Variants in RNF111 observed in about 807,000 individuals in gnomAD.
RNF111 encodes ring finger protein 111.
RNF111 carries 17 observed loss-of-function variants against 95.1 expected under a neutral mutation model. That is an observed-to-expected ratio of 0.18 (90% CI 0.12 to 0.27). RNF111 has a LOEUF of 0.27. Ranked by LOEUF, RNF111 falls within the 10% of genes least tolerant of loss-of-function variation. The probability of loss-of-function intolerance (pLI) is 1.00; values close to 1 mark genes in which losing one functional copy is unlikely to be tolerated. For synonymous variants in RNF111, 440 were observed against 414.8 expected, an observed-to-expected ratio of 1.06 and a Z score of -0.74; for missense variants, 1,189 against 1,210.4, an observed-to-expected ratio of 0.98 and a Z score of 0.26.
At chr15:58,992,070 G>A (rs2038840843) in intron 1 of RNF111, among the ~76,000 whole-genome samples, 1 of 152,016 alleles carries the variant, frequency 6.6e-6, no homozygotes, top group Admixed American at 6.6e-5. Flanking sequence ...TTTTGAGATG[G>A]AGTTTCCCTC....
At chr15:59,090,551 C>T (rs2079024976) in intron 11 of RNF111, among the ~76,000 whole-genome samples, 1 of 152,002 alleles carries the variant, frequency 6.6e-6, no homozygotes, top group African/African-American at 2.4e-5. Context: ...TTTTTTATGT[C>T]AGTTTGGAAG....
chr15:59,042,134 T>G (rs1392401955), intron 2 of RNF111, among the ~76,000 whole-genome samples: 1 of 151,878 alleles, frequency 6.6e-6, no homozygotes, highest in East Asian at 1.9e-4. Context: ...AATTTTTTTT[T>G]CTTTTTTTGA....
In RNF111 at chr15:59,096,294, G is replaced by A. The variant is rs1371577357; in HGVS notation, c.*1394G>A. On this transcript the variant is annotated 3_prime_UTR_variant, in exon 14 of 14. Coordinates refer to ENST00000348370, the MANE Select transcript of RNF111 (RefSeq NM_017610.8). ...GCTTAATATGCCCCAGATTGCAAAT[G>A]CATCCAGTCAGTAATATCACTGTCT... 2.7e-6 allele frequency: 1 copy of A among 377,144 alleles called. No homozygotes were observed. The highest frequency in any genetic ancestry group is 2.1e-5 in the African/African-American group (1 of 48,192). 23.4% of individuals were successfully genotyped at this position (377,144 alleles called of 1,614,324 possible). A position where few individuals can be genotyped will look rare whatever the true frequency, so the allele number is the denominator to read the frequency against.
Position 59,030,805 on chromosome 15 carries a change from C to T in RNF111, c.-18C>T. The T allele has an allele frequency of 6.5e-7, 1 of 1,547,710 alleles. No homozygotes were observed. The stretch of plus-strand genomic sequence containing the variant: ...TAAATATCTAATTTTGTCTTCTAGG[C>T]TTTCCTTAAAGTTTCCCATGTCTCA... On this transcript the variant is annotated splice_region_variant and 5_prime_UTR_variant, in exon 2 of 14. Coordinates refer to ENST00000348370, the MANE Select transcript of RNF111 (RefSeq NM_017610.8).
At chr15:59,062,987 C>T (rs2042504951) in intron 5 of RNF111, among the ~76,000 whole-genome samples, 1 of 152,158 alleles carries the variant, frequency 6.6e-6, no homozygotes, top group African/African-American at 2.4e-5. Context: ...GCAGGCATTG[C>T]CAGATACTGG....
At chr15:59,026,849 G>T (rs935288791) in intron 1 of RNF111, among the ~76,000 whole-genome samples, 2 of 152,090 alleles carry the variant, frequency 1.3e-5, no homozygotes, top group Non-Finnish European at 2.9e-5. Flanking sequence ...ATGACTGCAT[G>T]ATATGTTAAC....
chr15:59,039,410 A>G (rs1310193700), intron 2 of RNF111, among the ~76,000 whole-genome samples: 1 of 152,154 alleles, frequency 6.6e-6, no homozygotes, highest in Admixed American at 6.5e-5. Flanking sequence ...TTCTTCTTTC[A>G]TTTACCACTT....
intron 1 of RNF111, among the ~76,000 whole-genome samples, chr15:59,027,418 A>G (rs2040670874): frequency 6.6e-6 from 1 of 152,076 alleles, no homozygotes; most frequent in African/African-American, 2.4e-5. Flanking sequence ...AGTTTTATTG[A>G]GATTTTATTT....
intron 1 of RNF111, among the ~76,000 whole-genome samples, chr15:59,006,393 A>C (rs556902884): frequency 6.6e-6 from 1 of 152,134 alleles, no homozygotes; most frequent in Non-Finnish European, 1.5e-5. Context: ...GCAACTACTC[A>C]TCTGATTTTT....
chr15:59,027,780 G>A (rs1220357103), intron 1 of RNF111, among the ~76,000 whole-genome samples: 3 of 150,672 alleles, frequency 2.0e-5, no homozygotes, highest in Non-Finnish European at 2.9e-5. Flanking sequence ...TGATCCACCC[G>A]CTTCAGCCTC....
chr15:58,990,670 A>C (rs1479413528), intron 1 of RNF111, among the ~76,000 whole-genome samples: 1 of 152,190 alleles, frequency 6.6e-6, no homozygotes, highest in Admixed American at 6.5e-5. Context: ...AACAAACAAA[A>C]AAACTATGAT....
In RNF111 at chr15:59,097,074, G is replaced by GA. The variant is rs1449778997; in HGVS notation, c.*2175dup. On this transcript the variant is annotated 3_prime_UTR_variant, in exon 14 of 14. Transcript: ENST00000348370. ...ACATAAACCTGAATTGTTAATATAG[G>GA]AGCTTATTAAGCTACTGCCATTAGT... 1.3e-5 allele frequency: 2 copies of GA among 152,072 alleles called. No individual in the cohort carries two copies. The highest frequency in any genetic ancestry group is 2.9e-5 in the Non-Finnish European group (2 of 68,022). 9.4% of individuals were successfully genotyped at this position (152,072 alleles called of 1,614,324 possible). A position where few individuals can be genotyped will look rare whatever the true frequency, so the allele number is the denominator to read the frequency against.
At chr15:59,005,650 G>C (rs1282324323) in intron 1 of RNF111, among the ~76,000 whole-genome samples, 1 of 152,084 alleles carries the variant, frequency 6.6e-6, no homozygotes, top group Non-Finnish European at 1.5e-5. Context: ...GGTGGGTGTA[G>C]CTAGAGGATT....
intron 3 of RNF111, among the ~76,000 whole-genome samples, chr15:59,052,731 G>A (rs2042044672): frequency 6.6e-6 from 1 of 151,796 alleles, no homozygotes; most frequent in Admixed American, 6.6e-5. Flanking sequence ...CCTTTTCAAA[G>A]CAGGCTGCAT....
intron 5 of RNF111, among the ~76,000 whole-genome samples, chr15:59,062,196 C>T (rs2042469532): frequency 6.6e-6 from 1 of 151,954 alleles, no homozygotes. Context: ...GCACACTCTA[C>T]CACACCTGGC....
In RNF111 at chr15:59,055,816, A is replaced by T. The variant is rs772685123; in HGVS notation, c.1142A>T (p.Glu381Val). Residue 381 changes from glutamate to valine, a missense_variant, in exon 4 of 14, where the codon GAA (glutamate) becomes GTA (valine). Coordinates refer to ENST00000348370, the MANE Select transcript of RNF111 (RefSeq NM_017610.8). ...VIQPLRQNAA[E>V]VVDLTVDEDE... Reference sequence around the variant, plus strand: ...CAGCCCTTGAGGCAGAATGCAGCAGAAGTTGTGGACCTTACCGTTGATGAA... The same window carrying T: ...CAGCCCTTGAGGCAGAATGCAGCAGTAGTTGTGGACCTTACCGTTGATGAA... 1 of 1,613,742 alleles carries T rather than the reference A, an allele frequency of 6.2e-7. No individual in the cohort carries two copies. Among genetic ancestry groups the T allele is most frequent in the Non-Finnish European group, 8.5e-7 (1 of 1,179,816 alleles).
rs144778821 is a variant in RNF111 at position 59,092,914 on chromosome 15, G to A, written c.2843+274G>A. Among the ~76,000 whole-genome samples, 150 of 152,302 alleles carry A rather than the reference G, an allele frequency of 9.8e-4. 1 individual carries two copies. The highest frequency in any genetic ancestry group is 3.5e-3 in the African/African-American group (145 of 41,574). On this transcript the variant is annotated intron_variant, in intron 13 of 13. Coordinates refer to ENST00000348370, the MANE Select transcript of RNF111 (RefSeq NM_017610.8). ...ACTCAGGAGACTAAGGCAGGAGGAT[G>A]GCTCAAGCCCAGGAGTTTGAGACTG...
intron 1 of RNF111, among the ~76,000 whole-genome samples, chr15:59,023,254 A>G (rs2040434788): frequency 6.6e-6 from 1 of 152,182 alleles, no homozygotes; most frequent in African/African-American, 2.4e-5. Flanking sequence ...TCTCAAAGAA[A>G]AAAAGAAAGT....
At chr15:59,011,769 A>C (rs537724690) in intron 1 of RNF111, among the ~76,000 whole-genome samples, 4 of 152,208 alleles carry the variant, frequency 2.6e-5, no homozygotes, top group Non-Finnish European at 4.4e-5. Context: ...TAAATGTCTT[A>C]TCTCTAAATA....
Sources: allele counts gnomAD v4.1 joint callset (sites outside exome capture counted in the v4.1 genomes callset), GRCh38; gene constraint gnomAD v4.1.1; transcripts MANE v1.5; gene names NCBI Gene and HGNC (gene_info 2026-07-23, HGNC 2026-07-21).